The following ULK2 variants were observed in gnomAD, a reference collection of about 807,000 sequenced individuals.
ULK2 encodes the protein serine/threonine-protein kinase ULK2.
ULK2 carries 76 observed loss-of-function variants against 127.5 expected under a neutral mutation model. That is an observed-to-expected ratio of 0.60 (90% CI 0.50 to 0.72). ULK2 has a LOEUF of 0.72. Among genes scored for constraint, ULK2 ranks in the 30% least tolerant of loss-of-function variants. ULK2 has a pLI of 0.00. For missense variants in ULK2, 1,144 were observed against 1,295.9 expected (o/e 0.88, Z 1.80); for synonymous variants, 452 against 461.9 (o/e 0.98, Z 0.28).
intron 9 of ULK2, chr17:19,840,356 T>C (rs1189028582): frequency 5.8e-6 from 3 of 521,590 alleles, no homozygotes; most frequent in African/African-American, 2.0e-5. Flanking sequence ...CAAATGTCTA[T>C]CCTAATTTCA....
intron 13 of ULK2, chr17:19,811,106 A>G (rs915432406): frequency 1.3e-5 from 2 of 152,122 alleles, no homozygotes; most frequent in African/African-American, 2.4e-5. Flanking sequence ...AAAACATAAT[A>G]ATGTCAGGTA....
intron 16 of ULK2, among the ~76,000 whole-genome samples, chr17:19,801,284 G>A (rs2152386425): frequency 6.6e-6 from 1 of 152,248 alleles, no homozygotes; most frequent in African/African-American, 2.4e-5. Flanking sequence ...TTCTCAAAAA[G>A]AAGTTGGGGC....
At chr17:19,778,620 G>A (rs1429751672) in intron 25 of ULK2, among the ~76,000 whole-genome samples, 2 of 152,146 alleles carry the variant, frequency 1.3e-5, no homozygotes, top group African/African-American at 4.8e-5. Context: ...TTTTTAAAAT[G>A]TATTTATGCA....
intron 9 of ULK2, 67 bp downstream of exon 9, chr17:19,841,422 A>G (rs1449639732): frequency 2.1e-6 from 3 of 1,424,932 alleles, no homozygotes; most frequent in Non-Finnish European, 2.9e-6. Flanking sequence ...TACACAAAAC[A>G]CAAACAGTTC....
chr17:19,841,362 G>C, intron 9 of ULK2, 127 bp downstream of exon 9: 4 of 918,980 alleles, frequency 4.4e-6, no homozygotes, highest in Non-Finnish European at 6.5e-6. Flanking sequence ...CTAATTTGTT[G>C]TAACAAATGC....
chr17:19,783,927 A>G lies in ULK2; in HGVS notation c.2252-22T>C, dbSNP rs1196086168. The G allele has an allele frequency of 3.4e-6, 5 of 1,451,594 alleles. No homozygotes were observed. The African/African-American group carries it at 4.3e-5, about 12-fold the overall frequency. 89.9% of individuals were successfully genotyped at this position (1,451,594 alleles called of 1,614,324 possible). ...CCCACTACAAGGAAACAGAGGATAC[A>G]TGGCAGTGTCCAGAGTTAGGGCTTT... On this transcript the variant is annotated intron_variant, in intron 21 of 26. Coordinates refer to ENST00000395544, the MANE Select transcript of ULK2 (RefSeq NM_014683.4).
At chr17:19,840,248 C>T (rs2041710606) in intron 9 of ULK2, 3 of 513,622 alleles carry the variant, frequency 5.8e-6, no homozygotes. Flanking sequence ...CCATAAGAGC[C>T]GGGCTGAAAT....
chr17:19,829,030 T>C (rs1350099125), intron 10 of ULK2, among the ~76,000 whole-genome samples: 1 of 152,072 alleles, frequency 6.6e-6, no homozygotes, highest in Non-Finnish European at 1.5e-5. Flanking sequence ...ATTGTGCCAC[T>C]GCACTCCAGC....
intron 24 of ULK2, 121 bp downstream of exon 24, chr17:19,780,865 C>T: frequency 9.2e-7 from 1 of 1,086,324 alleles, no homozygotes; most frequent in African/African-American, 1.6e-5. Context: ...CATCTTTTCC[C>T]TTTAAGAATA....
chr17:19,847,167 C>T (rs2041903643), intron 5 of ULK2, among the ~76,000 whole-genome samples: 1 of 152,056 alleles, frequency 6.6e-6, no homozygotes, highest in Admixed American at 6.6e-5. Flanking sequence ...TTTGCTTTTC[C>T]TTCATGTTTT....
At chr17:19,837,993 T>C (rs1056910113) in intron 10 of ULK2, among the ~76,000 whole-genome samples, 1 of 152,220 alleles carries the variant, frequency 6.6e-6, no homozygotes, top group Non-Finnish European at 1.5e-5. Flanking sequence ...TCAACTGGCC[T>C]TCTAGTTGTT....
intron 10 of ULK2, among the ~76,000 whole-genome samples, chr17:19,826,920 G>C (rs954138090): frequency 2.7e-5 from 4 of 149,954 alleles, no homozygotes; most frequent in Non-Finnish European, 5.9e-5. Context: ...TCGCGCCACT[G>C]CACTCCAGCC....
intron 13 of ULK2, 103 bp downstream of exon 13, chr17:19,816,646 G>C (rs2040995941): frequency 9.6e-7 from 1 of 1,046,918 alleles, no homozygotes; most frequent in Admixed American, 3.4e-5. Flanking sequence ...ATGCTCATTT[G>C]AAAAGGTGCC....
chr17:19,863,176 C>T (rs1374701518), intron 3 of ULK2, among the ~76,000 whole-genome samples: 1 of 151,512 alleles, frequency 6.6e-6, no homozygotes, highest in Non-Finnish European at 1.5e-5. Flanking sequence ...GCTCACACCA[C>T]TTCACTCCAG....
At chr17:19,816,060 T>C (rs1165614433) in intron 13 of ULK2, among the ~76,000 whole-genome samples, 19 of 152,170 alleles carry the variant, frequency 1.2e-4, no homozygotes, top group Non-Finnish European at 1.5e-5. Context: ...GTGCCTAGAA[T>C]GAGCATCTAC....
intron 10 of ULK2, among the ~76,000 whole-genome samples, chr17:19,837,198 G>A (rs1181597211): frequency 3.3e-5 from 5 of 151,758 alleles, no homozygotes; most frequent in South Asian, 2.1e-4. Flanking sequence ...TGGGTAGATC[G>A]CTTGAGCCCA....
intron 8 of ULK2, among the ~76,000 whole-genome samples, chr17:19,841,986 G>A (rs2041769409): frequency 6.6e-6 from 1 of 151,974 alleles, no homozygotes. Flanking sequence ...GTACATTATT[G>A]TTGGGTAAAA....
At chr17:19,798,939 T>G (rs2087333806) in intron 17 of ULK2, among the ~76,000 whole-genome samples, 2 of 151,550 alleles carry the variant, frequency 1.3e-5, no homozygotes, top group Non-Finnish European at 2.9e-5. Flanking sequence ...GAGGCGGGTG[T>G]ATCACAGGGT....
At chr17:19,864,135 T>G (rs1188177681) in intron 3 of ULK2, among the ~76,000 whole-genome samples, 1 of 152,088 alleles carries the variant, frequency 6.6e-6, no homozygotes, top group Non-Finnish European at 1.5e-5. Flanking sequence ...AGAGGGACCC[T>G]ATCTCTACAA....
Sources: allele counts gnomAD v4.1 joint callset (sites outside exome capture counted in the v4.1 genomes callset), GRCh38; gene constraint gnomAD v4.1.1; transcripts MANE v1.5; gene names NCBI Gene and HGNC (gene_info 2026-07-23, HGNC 2026-07-21).